Variants in CHFR observed in about 807,000 individuals in gnomAD.
The protein encoded by CHFR is checkpoint with forkhead and ring finger domains.
In CHFR, 57 loss-of-function variants were observed where a neutral mutation model predicts 87.6. The ratio of observed to expected loss-of-function variants is 0.65; its 90% confidence interval spans 0.53 to 0.81. The LOEUF is 0.81. CHFR is among the 30% of genes least tolerant of loss of function. The pLI, the probability that CHFR is intolerant of heterozygous loss-of-function variation, is 0.00. For missense variants in CHFR, 797 were observed against 865.8 expected, an observed-to-expected ratio of 0.92 and a Z score of 1.00; for synonymous variants, 381 against 359.2, an observed-to-expected ratio of 1.06 and a Z score of -0.69.
intron 5 of CHFR, 23 bp from the exon 6 acceptor site, chr12:132,869,821 T>C (rs1277771516): frequency 6.4e-6 from 10 of 1,550,994 alleles, no homozygotes; most frequent in Non-Finnish European, 8.7e-6. Flanking sequence ...GGAACACATT[T>C]TCCTTGTTAG....
rs1277101257 is a variant in CHFR, at chr12:132,872,295, T to C, written c.333A>G (p.Glu111=). The C allele has an allele frequency of 3.1e-6, 5 of 1,608,290 alleles. No individual in the cohort carries two copies. Among genetic ancestry groups the C allele is most frequent in the Non-Finnish European group, 3.4e-6 (4 of 1,174,798 alleles). The part of the protein sequence containing the change: ...DVIYLVYRKN[E]PEHNVAYLYE... ...CTTCCTCTCTCTTACTGTGTTCCGG[T>C]TCATTCTTCCTGTACACCAAGTAGA... is the stretch of plus-strand genomic sequence containing the variant. Residue 111 remains glutamate (E), a synonymous_variant, in exon 4 of 18, where the codon GAA becomes GAG. Coordinates refer to ENST00000450056, the MANE Select transcript of CHFR (RefSeq NM_001161346.2).
intron 6 of CHFR, chr12:132,862,257 A>C: frequency 4.0e-6 from 1 of 247,178 alleles, no homozygotes; most frequent in South Asian, 3.6e-5. Context: ...CCTGGGCAAC[A>C]AGAGCGAAAC....
chr12:132,886,827 C>A (rs1489843311), intron 2 of CHFR, among the ~76,000 whole-genome samples: 1 of 152,140 alleles, frequency 6.6e-6, no homozygotes, highest in Admixed American at 6.6e-5. Context: ...TTTGACCCAC[C>A]GGTTGCTTTA....
chr12:132,877,017 G>A (rs1454839939), intron 3 of CHFR, among the ~76,000 whole-genome samples: 6 of 152,056 alleles, frequency 3.9e-5, no homozygotes, highest in African/African-American at 1.4e-4. Flanking sequence ...CTGGGCTTGA[G>A]CTCCTGACCT....
intron 2 of CHFR, among the ~76,000 whole-genome samples, chr12:132,885,815 A>T (rs866869695): frequency 6.6e-6 from 1 of 152,178 alleles, no homozygotes; most frequent in African/African-American, 2.4e-5. Context: ...CAGATTGGAA[A>T]CCCACATAAT....
In CHFR at chr12:132,856,650, G is replaced by A; in HGVS notation, c.1067-20C>T. 6.2e-7 allele frequency: 1 copy of A among 1,612,898 alleles called. No individual in the cohort carries two copies. The highest frequency in any genetic ancestry group is 8.5e-7 in the Non-Finnish European group (1 of 1,179,518). On this transcript the variant is annotated intron_variant, in intron 9 of 17. Transcript: ENST00000450056. ...TCTTGTCTAGAATTGAAAGGACACAGCGCCATTCACCGGCAGTGAGACATG... is the reference window on the plus strand; with the variant it reads ...TCTTGTCTAGAATTGAAAGGACACAACGCCATTCACCGGCAGTGAGACATG...
In CHFR at chr12:132,837,796, C is replaced by T. The variant is rs1379047224; in HGVS notation, c.*3758G>A. ...GCTTCTCTACACGGCTGCAGCCGCCCTCAGAAGGCGCAGGAGCTAGCGTGC... is the reference window on the plus strand; with the variant it reads ...GCTTCTCTACACGGCTGCAGCCGCCTTCAGAAGGCGCAGGAGCTAGCGTGC... On this transcript the variant is annotated 3_prime_UTR_variant, in exon 18 of 18. Transcript: ENST00000450056. 1 of 152,358 alleles carries T rather than the reference C, an allele frequency of 6.6e-6. No individual in the cohort carries two copies. Among genetic ancestry groups the T allele is most frequent in the Non-Finnish European group, 1.5e-5 (1 of 68,142 alleles). The allele number at this position is 152,358 out of a possible 1,614,324, so 9.4% of individuals were successfully genotyped here.
rs1950674551 is a variant in CHFR, at chr12:132,839,519, TCCCCTCTCGGCCTCACCCCC to T, written c.*2015_*2034del. 1 of 136,224 alleles carries T rather than the reference TCCCCTCTCGGCCTCACCCCC, an allele frequency of 7.3e-6. No homozygotes were observed. Among genetic ancestry groups the T allele is most frequent in the Non-Finnish European group, 1.5e-5 (1 of 68,472 alleles). 8.4% of individuals were successfully genotyped at this position (136,224 alleles called of 1,614,324 possible). On this transcript the variant is annotated 3_prime_UTR_variant, in exon 18 of 18. Coordinates refer to ENST00000450056, the MANE Select transcript of CHFR (RefSeq NM_001161346.2). ...CTCGCCTCTGCACAAACTCAGGACCTCCCCTCTCGGCCTCACCCCCGCACTAACTCAGGACCTCCCCTCTT... is the reference window on the plus strand; with the variant it reads ...CTCGCCTCTGCACAAACTCAGGACCTGCACTAACTCAGGACCTCCCCTCTT...
rs2136895515 is a variant in CHFR at position 132,834,944 on chromosome 12, C to T, written c.*6610G>A. ...ATGTTAGCCAGGATGGTCTCGATCT[C>T]CTGACCTCGTGATCCGCCCGCCTCA... On this transcript the variant is annotated 3_prime_UTR_variant, in exon 18 of 18. Transcript: ENST00000450056. 1 of 152,202 alleles carries T rather than the reference C, an allele frequency of 6.6e-6. No individual in the cohort carries two copies. The highest frequency in any genetic ancestry group is 2.1e-4 in the South Asian group (1 of 4,836). The allele number at this position is 152,202 out of a possible 1,614,324, so 9.4% of individuals were successfully genotyped here. A position where few individuals can be genotyped will look rare whatever the true frequency, so the allele number is the denominator to read the frequency against.
chr12:132,883,238 G>A (rs1435152313), intron 2 of CHFR, among the ~76,000 whole-genome samples: 1 of 150,766 alleles, frequency 6.6e-6, no homozygotes, highest in Admixed American at 6.6e-5. Flanking sequence ...GACTAGCCTA[G>A]CCAACATGAT....
chr12:132,855,347 G>A (rs771215712), intron 10 of CHFR, among the ~76,000 whole-genome samples: 15 of 150,054 alleles, frequency 1.0e-4, no homozygotes, highest in Non-Finnish European at 1.9e-4. Context: ...GCTTGAACCC[G>A]GGAGGCGGAG....
At chr12:132,879,690 C>T (rs1951721341) in intron 2 of CHFR, among the ~76,000 whole-genome samples, 1 of 152,086 alleles carries the variant, frequency 6.6e-6, no homozygotes, top group South Asian at 2.1e-4. Context: ...GCGCCCGGCC[C>T]TGAATACAAA....
chr12:132,887,442 C>A, intron 1 of CHFR, 102 bp from the exon 2 acceptor site: 1 of 850,704 alleles, frequency 1.2e-6, no homozygotes. Context: ...CCCGCGCCCA[C>A]GCAGCCCCGC....
intron 3 of CHFR, 149 bp downstream of exon 3, chr12:132,877,406 T>C (rs1593524545): frequency 1.9e-6 from 1 of 527,924 alleles, no homozygotes; most frequent in South Asian, 2.7e-5. Flanking sequence ...AAGGGACACA[T>C]GACTGTGCTG....
intron 2 of CHFR, among the ~76,000 whole-genome samples, chr12:132,878,100 C>T (rs1951671846): frequency 6.6e-6 from 1 of 152,184 alleles, no homozygotes; most frequent in African/African-American, 2.4e-5. Flanking sequence ...CCGCGCCCGG[C>T]CCATCCTGAA....
chr12:132,858,395 G>C (rs1021086643), intron 8 of CHFR, among the ~76,000 whole-genome samples: 7 of 150,788 alleles, frequency 4.6e-5, no homozygotes, highest in African/African-American at 1.7e-4. Flanking sequence ...ACCACCCCGG[G>C]CTACATGGCG....
chr12:132,853,048 C>T (rs2279313), intron 11 of CHFR, among the ~76,000 whole-genome samples: 23,143 of 152,188 alleles, frequency 0.15, 2,282 homozygotes, highest in South Asian at 0.22. Context: ...CTGGTGACAT[C>T]GCCACTGCTG....
At chr12:132,871,944 T>C in intron 4 of CHFR, 1 of 247,444 alleles carries the variant, frequency 4.0e-6, no homozygotes, top group Non-Finnish European at 7.7e-6. Flanking sequence ...GAACCATCAA[T>C]GGCCTCCAGA....
At position 132,859,050 on chromosome 12, in the gene CHFR, G is replaced by A. The variant is rs923902750; in HGVS notation, c.911+18C>T. On this transcript the variant is annotated intron_variant, in intron 8 of 17. Coordinates refer to ENST00000450056, the MANE Select transcript of CHFR (RefSeq NM_001161346.2). ...TGCAGTGCCATGTTCCGTGAGCCAA[G>A]GGTGAACACGGTCGCACCTCACGCA... The A allele has an allele frequency of 6.2e-7, 1 of 1,607,650 alleles. No homozygotes were observed.
Sources: allele counts gnomAD v4.1 joint callset (sites outside exome capture counted in the v4.1 genomes callset), GRCh38; gene constraint gnomAD v4.1.1; transcripts MANE v1.5; gene names NCBI Gene and HGNC (gene_info 2026-07-23, HGNC 2026-07-21).